CCDC33: variants seen among roughly 807,000 people sequenced by gnomAD.
CCDC33 encodes the protein coiled-coil domain-containing protein 33.
A neutral mutation model predicts 91.9 loss-of-function variants in CCDC33; 94 were observed. The ratio of observed to expected loss-of-function variants is 1.02; its 90% confidence interval spans 0.87 to 1.21. CCDC33 has a LOEUF of 1.21. Among genes scored for constraint, CCDC33 ranks in the 50% most tolerant of loss-of-function variants. CCDC33 has a pLI of 0.00. For missense variants in CCDC33, 940 were observed against 935.5 expected, an observed-to-expected ratio of 1.00 and a Z score of -0.06; for synonymous variants, 396 against 374.5, an observed-to-expected ratio of 1.06 and a Z score of -0.66.
intron 11 of CCDC33, among the ~76,000 whole-genome samples, chr15:74,323,661 G>T (rs2060249835): frequency 6.6e-6 from 1 of 152,118 alleles, no homozygotes; most frequent in Admixed American, 6.5e-5. Flanking sequence ...CCAAGTAGCT[G>T]GGATTACAGG....
intron 11 of CCDC33, among the ~76,000 whole-genome samples, chr15:74,327,216 T>C (rs1207911097): frequency 2.6e-5 from 4 of 151,734 alleles, no homozygotes; most frequent in Non-Finnish European, 5.9e-5. Flanking sequence ...CTCCGAGGAG[T>C]GGAGTCCAGC....
rs1361306665 is a variant in CCDC33 at position 74,244,899 on chromosome 15, G to T, written c.185+751G>T. Among the ~76,000 whole-genome samples the T allele has an allele frequency of 6.6e-6, 1 of 152,034 alleles. No homozygotes were observed. The highest frequency in any genetic ancestry group is 2.4e-5 in the African/African-American group (1 of 41,388). ...TAGACAGACGGCGGGAGCCTTGGTG[G>T]CCTCCCACCAAGCCACCCTATACTT... On this transcript the variant is annotated intron_variant, in intron 2 of 18. Coordinates refer to ENST00000398814, the MANE Select transcript of CCDC33 (RefSeq NM_025055.5). The surrounding 1 kb of genome is among the most constrained non-coding windows in gnomAD (Gnocchi z 4.2).
chr15:74,269,924 G>A (rs1198223196), intron 5 of CCDC33, among the ~76,000 whole-genome samples: 2 of 152,200 alleles, frequency 1.3e-5, no homozygotes, highest in African/African-American at 4.8e-5. Flanking sequence ...AGTCCACACA[G>A]AACAGGTGCA....
intron 11 of CCDC33, chr15:74,302,053 A>T (rs1476375076): frequency 6.6e-6 from 1 of 151,672 alleles, no homozygotes; most frequent in Non-Finnish European, 1.5e-5. Flanking sequence ...CACTGGAATA[A>T]CTCATTTCTT....
chr15:74,321,055 C>T (rs1378824957), intron 11 of CCDC33, among the ~76,000 whole-genome samples: 1 of 152,016 alleles, frequency 6.6e-6, no homozygotes, highest in Non-Finnish European at 1.5e-5. Flanking sequence ...CCTGGGAAAA[C>T]ACTAGTCCCT....
At chr15:74,235,025 A>G (rs1205651418), upstream of CCDC33, among the ~76,000 whole-genome samples, 1 of 152,152 alleles carries the variant, frequency 6.6e-6, no homozygotes, top group Non-Finnish European at 1.5e-5. Flanking sequence ...GATGCGCTCT[A>G]GAGAGACTGG....
intron 11 of CCDC33, among the ~76,000 whole-genome samples, chr15:74,314,620 T>C (rs762045496): frequency 6.6e-6 from 1 of 151,996 alleles, no homozygotes; most frequent in Non-Finnish European, 1.5e-5. Flanking sequence ...AGGGCCCCTC[T>C]GTGAACATCA....
intron 11 of CCDC33, among the ~76,000 whole-genome samples, chr15:74,315,635 G>A (rs1195522397): frequency 6.6e-6 from 1 of 152,238 alleles, no homozygotes; most frequent in African/African-American, 2.4e-5. Context: ...GCCAAGAAGA[G>A]TAGGAAAGTC....
intron 11 of CCDC33, among the ~76,000 whole-genome samples, chr15:74,313,687 G>A (rs1308442908): frequency 6.6e-6 from 1 of 152,126 alleles, no homozygotes; most frequent in African/African-American, 2.4e-5. Flanking sequence ...TCTAACCCCG[G>A]AGGGCTATGA....
chr15:74,272,907 A>T lies in CCDC33; in HGVS notation c.759+16A>T. 3 of 1,613,914 alleles carry T rather than the reference A, an allele frequency of 1.9e-6. No homozygotes were observed. In the South Asian group the frequency reaches 3.3e-5, roughly 18 times the overall value. On this transcript the variant is annotated intron_variant, in intron 7 of 18. Coordinates refer to ENST00000398814, the MANE Select transcript of CCDC33 (RefSeq NM_025055.5). Reference sequence around the variant, plus strand: ...ATGCCCTCAGGTATGTCTCCTCCCCAGTGGTTCCAGCTTCCTGTAACTACC... The same window carrying T: ...ATGCCCTCAGGTATGTCTCCTCCCCTGTGGTTCCAGCTTCCTGTAACTACC...
At chr15:74,272,652 C>A in intron 6 of CCDC33, 119 bp from the exon 7 acceptor site, 1 of 1,375,792 alleles carries the variant, frequency 7.3e-7, no homozygotes, top group Non-Finnish European at 9.8e-7. Flanking sequence ...GGCCCGAACT[C>A]GGCGGGATCC....
chr15:74,226,033 C>A (rs1213569955), intron 2 of CCDC33, among the ~76,000 whole-genome samples: 1 of 152,216 alleles, frequency 6.6e-6, no homozygotes, highest in African/African-American at 2.4e-5. Context: ...TCCAAAGGTC[C>A]AACCTCCCTC....
Position 74,335,972 on chromosome 15 carries a change from G to A in CCDC33, c.2187G>A (p.Glu729=), listed in dbSNP as rs745509925. The A allele has an allele frequency of 6.2e-7, 1 of 1,613,780 alleles. No homozygotes were observed. The highest frequency in any genetic ancestry group is 8.5e-7 in the Non-Finnish European group (1 of 1,179,994). ...SMDLKQPSEL[E]PLLPSSDSKL... ...ACCTCAAGCAGCCCTCAGAGCTGGA[G>A]CCCCTGCTGCCCAGCTCAGACTCTA... Residue 729 remains glutamate (E), a synonymous_variant, in exon 19 of 19, where the codon GAG becomes GAA. Coordinates refer to ENST00000398814, the MANE Select transcript of CCDC33 (RefSeq NM_025055.5).
At position 74,256,674 on chromosome 15, in the gene CCDC33, G is replaced by C. The variant is rs547106958; in HGVS notation, c.186-5766G>C. 2.6e-3 allele frequency among the ~76,000 whole-genome samples: 395 copies of C among 152,332 alleles called. 1 individual carries two copies. Among genetic ancestry groups the C allele is most frequent in the African/African-American group, 9.0e-3 (374 of 41,570 alleles). ...ACTCCAAAGGCTGACAGATGGTGCA[G>C]ACAGCGGCCCTTCCTGACCCTGCAT... On this transcript the variant is annotated intron_variant, in intron 2 of 18. Coordinates refer to ENST00000398814, the MANE Select transcript of CCDC33 (RefSeq NM_025055.5).
chr15:74,295,971 G>C (rs1206245423), intron 11 of CCDC33, 23 bp downstream of exon 11: 7 of 1,590,004 alleles, frequency 4.4e-6, no homozygotes, highest in Non-Finnish European at 6.0e-6. Flanking sequence ...CCCCAGGTGG[G>C]AAGGGCCGGG....
chr15:74,318,514 G>A, intron 11 of CCDC33: 1 of 644,478 alleles, frequency 1.6e-6, no homozygotes, highest in South Asian at 1.9e-5. Context: ...GGCTGGGCTT[G>A]GTCACCAGGC....
At chr15:74,287,564 G>A (rs2059499290) in intron 10 of CCDC33, among the ~76,000 whole-genome samples, 1 of 152,152 alleles carries the variant, frequency 6.6e-6, no homozygotes, top group Non-Finnish European at 1.5e-5. Context: ...CTGTATACCT[G>A]TAATCCCAGC....
intron 7 of CCDC33, among the ~76,000 whole-genome samples, chr15:74,276,350 C>T (rs1166436658): frequency 1.3e-5 from 2 of 152,184 alleles, no homozygotes; most frequent in East Asian, 3.9e-4. Context: ...GTTACTCCTA[C>T]CCCGGCACCT....
intron 3 of CCDC33, among the ~76,000 whole-genome samples, chr15:74,266,110 C>A (rs928602015): frequency 6.6e-6 from 1 of 152,184 alleles, no homozygotes; most frequent in Non-Finnish European, 1.5e-5. Flanking sequence ...GTGCATTATT[C>A]TTAGTATTTA....
Sources: gnomAD v4.1 joint callset for allele counts (sites outside exome capture counted in the v4.1 genomes callset) on GRCh38, gnomAD v4.1.1 for gene constraint, Gnocchi (gnomAD v3.1) non-coding constraint, MANE v1.5 for transcripts, NCBI Gene and HGNC (gene_info 2026-07-23, HGNC 2026-07-21) for gene names.